The following SYNE1 variants were observed in gnomAD, a reference collection of about 807,000 sequenced individuals.
The protein encoded by SYNE1 is spectrin repeat containing nuclear envelope protein 1, also known as nesprin-1.
Under a neutral mutation model 1,111.0 loss-of-function variants are expected in SYNE1, and 616 were observed. That is an observed-to-expected ratio of 0.55 (90% CI 0.52 to 0.59). SYNE1 has a LOEUF of 0.59. Ranked by LOEUF, SYNE1 falls within the 20% of genes least tolerant of loss-of-function variation. The pLI is 0.00. For synonymous variants in SYNE1, 3,855 were observed against 3,825.8 expected, an observed-to-expected ratio of 1.01 and a Z score of -0.28; for missense variants, 10,006 against 10,417.0, an observed-to-expected ratio of 0.96 and a Z score of 1.72.
At chr6:152,178,761 G>A (rs1383346062) in intron 129 of SYNE1, among the ~76,000 whole-genome samples, 2 of 152,090 alleles carry the variant, frequency 1.3e-5, no homozygotes, top group African/African-American at 4.8e-5. Flanking sequence ...GATCAGTGGG[G>A]TCTCCATTTG....
intron 41 of SYNE1, among the ~76,000 whole-genome samples, chr6:152,415,814 AAG>A (rs1491032434): frequency 1.3e-5 from 2 of 149,366 alleles, no homozygotes; most frequent in African/African-American, 5.0e-5. Flanking sequence ...AAAAAAAAAA[AAG>A]AAGAGGAAGA....
At chr6:152,137,085 C>T (rs1179241289) in intron 140 of SYNE1, among the ~76,000 whole-genome samples, 1 of 152,268 alleles carries the variant, frequency 6.6e-6, no homozygotes, top group East Asian at 1.9e-4. Context: ...TGGAACACAA[C>T]AGCCTCAATA....
At chr6:152,184,577 C>T (rs1295057715) in intron 128 of SYNE1, among the ~76,000 whole-genome samples, 1 of 151,856 alleles carries the variant, frequency 6.6e-6, no homozygotes, top group African/African-American at 2.4e-5. Flanking sequence ...TTTTTTTCCT[C>T]CCTTGACACT....
At chr6:152,627,480 A>C (rs2623984) in intron 3 of SYNE1, among the ~76,000 whole-genome samples, 113,302 of 147,860 alleles carry the variant, frequency 0.77, 43,852 homozygotes, top group African/African-American at 0.89. Context: ...TGGTGAAACC[A>C]TATCTCTACT....
At chr6:152,408,572 A>G (rs2097943869) in intron 44 of SYNE1, among the ~76,000 whole-genome samples, 1 of 152,226 alleles carries the variant, frequency 6.6e-6, no homozygotes, top group Non-Finnish European at 1.5e-5. Context: ...AAGTTTTTAC[A>G]AAGCAGATAC....
intron 13 of SYNE1, among the ~76,000 whole-genome samples, chr6:152,484,558 G>A (rs2098929514): frequency 6.6e-6 from 1 of 152,116 alleles, no homozygotes; most frequent in African/African-American, 2.4e-5. Context: ...AGTGTGAAGT[G>A]ATCCAGATGG....
rs1417679869 is a variant in SYNE1, at chr6:152,399,773, T to C, written c.7080A>G (p.Gln2360=). 1.9e-6 allele frequency: 3 copies of C among 1,614,064 alleles called. No individual in the cohort carries two copies. The African/African-American group carries it at 4.0e-5, about 22-fold the overall frequency. The change falls in exon 48 of 146, where the codon CAA becomes CAG. Residue 2360 remains glutamine (Q), a synonymous_variant. Transcript: ENST00000367255. ...QSQQSNISST[Q]ENLNSLCRKY... ...TGCGGCACAAGCTATTGAGATTTTCTTGGGTAGAGCTGATGTTGCTTTGTT... is the reference window on the plus strand; with the variant it reads ...TGCGGCACAAGCTATTGAGATTTTCCTGGGTAGAGCTGATGTTGCTTTGTT...
At chr6:152,500,269 G>A (rs1185896686) in intron 10 of SYNE1, among the ~76,000 whole-genome samples, 1 of 152,132 alleles carries the variant, frequency 6.6e-6, no homozygotes, top group Non-Finnish European at 1.5e-5. Flanking sequence ...AACCCAGCAA[G>A]CCCCAGATGA....
chr6:152,436,207 T>C, intron 32 of SYNE1, 106 bp from the exon 33 acceptor site: 4 of 1,205,286 alleles, frequency 3.3e-6, no homozygotes, highest in African/African-American at 1.5e-5. Context: ...GATGAAGACA[T>C]AGAGTCATAC....
chr6:152,369,970 G>T (rs1257438608), intron 59 of SYNE1, among the ~76,000 whole-genome samples: 1 of 106,298 alleles, frequency 9.4e-6, no homozygotes, highest in Non-Finnish European at 1.7e-5. Context: ...GTGACAGAGG[G>T]TGACTCTGTC....
intron 44 of SYNE1, among the ~76,000 whole-genome samples, chr6:152,408,095 G>A (rs527517775): frequency 6.6e-6 from 1 of 152,030 alleles, no homozygotes; most frequent in Admixed American, 6.6e-5. Flanking sequence ...GAAGCATGTA[G>A]GGTTTTCTGC....
rs555731770 is a variant in SYNE1, at chr6:152,425,420, T to C, written c.5228A>G (p.Asp1743Gly). Reference sequence around the variant, plus strand: ...CTGTGGTAAATCTCTCCATCTCTCATCCAACTGCTCCAAATGTAGTTTCAT... The same window carrying C: ...CTGTGGTAAATCTCTCCATCTCTCACCCAACTGCTCCAAATGTAGTTTCAT... ...KMMKLHLEQLDERWRDLPQII... is the reference protein window; with the variant it reads ...KMMKLHLEQLGERWRDLPQII... Residue 1743 changes from aspartate to glycine, a missense_variant, in exon 39 of 146, where the codon GAT (aspartate) becomes GGT (glycine). Physicochemically the swap from Asp to Gly is moderately conservative, Grantham distance 94 (BLOSUM62 -1). Around this residue, in one of 7 missense-constraint regions of SYNE1, gnomAD observed 1,971 missense variants for 2,084.1 expected, o/e 0.95. Coordinates refer to ENST00000367255, the MANE Select transcript of SYNE1 (RefSeq NM_182961.4). The C allele has an allele frequency of 3.3e-5, 53 of 1,614,090 alleles. No homozygotes were observed. Among genetic ancestry groups the C allele is most frequent in the Non-Finnish European group, 4.4e-5 (52 of 1,180,028 alleles).
chr6:152,371,895 A>AAGGAAAGGACAGGAC (rs2097192844), intron 59 of SYNE1, among the ~76,000 whole-genome samples: 31 of 111,428 alleles, frequency 2.8e-4, no homozygotes, highest in African/African-American at 1.1e-3. Context: ...AAGGAAAGGA[A>AAGGAAAGGACAGGAC]AGGAAAGGAA....
At chr6:152,605,159 T>C (rs1456145566) in intron 3 of SYNE1, among the ~76,000 whole-genome samples, 6 of 146,920 alleles carry the variant, frequency 4.1e-5, no homozygotes, top group Non-Finnish European at 7.4e-5. Flanking sequence ...TAATGGTTAA[T>C]GCCATTAATA....
intron 112 of SYNE1, among the ~76,000 whole-genome samples, chr6:152,233,331 A>G (rs1408633402): frequency 7.0e-6 from 1 of 142,292 alleles, no homozygotes; most frequent in East Asian, 2.0e-4. Context: ...AGCGTAGTTC[A>G]CTCTTTTTTT....
chr6:152,448,359 G>A (rs2098611419), intron 28 of SYNE1, among the ~76,000 whole-genome samples: 2 of 152,200 alleles, frequency 1.3e-5, no homozygotes, highest in African/African-American at 2.4e-5. Context: ...GGCCACTCCA[G>A]GGCTTTGCCA....
chr6:152,533,946 G>T (rs1294737608), intron 4 of SYNE1, among the ~76,000 whole-genome samples: 1 of 151,986 alleles, frequency 6.6e-6, no homozygotes, highest in East Asian at 1.9e-4. Context: ...ATTATTTGAG[G>T]TCAGGAGTTC....
In SYNE1 at chr6:152,208,217, A is replaced by G. The variant is rs746504778; in HGVS notation, c.22590-11T>C. On this transcript the variant is annotated splice_polypyrimidine_tract_variant and intron_variant, in intron 124 of 145. Coordinates refer to ENST00000367255, the MANE Select transcript of SYNE1 (RefSeq NM_182961.4). ...AGGTTGAATTCATCCCTAGTGAAGAAATAATTACATGGTAAAAAAGCACTG... is the reference window on the plus strand; with the variant it reads ...AGGTTGAATTCATCCCTAGTGAAGAGATAATTACATGGTAAAAAAGCACTG... 1 of 1,611,764 alleles carries G rather than the reference A, an allele frequency of 6.2e-7. No individual in the cohort carries two copies. The highest frequency in any genetic ancestry group is 8.5e-7 in the Non-Finnish European group (1 of 1,178,118).
intron 4 of SYNE1, among the ~76,000 whole-genome samples, chr6:152,533,343 C>T (rs980151246): frequency 2.0e-5 from 3 of 151,946 alleles, no homozygotes; most frequent in Non-Finnish European, 4.4e-5. Flanking sequence ...AATAATTGCC[C>T]TCCAGCTCAG....
Sources: gnomAD v4.1 joint callset for allele counts (sites outside exome capture counted in the v4.1 genomes callset) on GRCh38, gnomAD v4.1.1 for gene constraint, gnomAD v4.1.1 regional missense constraint, MANE v1.5 for transcripts, NCBI Gene and HGNC (gene_info 2026-07-23, HGNC 2026-07-21) for gene names.